The following SPECC1 variants were observed in gnomAD, a reference collection of about 807,000 sequenced individuals.
The protein encoded by SPECC1 is cytospin-B.
A neutral mutation model predicts 104.1 loss-of-function variants in SPECC1; 62 were observed. The observed-to-expected ratio is 0.60, with a 90% CI of 0.49 to 0.74. The LOEUF (loss-of-function observed/expected upper bound fraction) is 0.74. Among genes scored for constraint, SPECC1 ranks in the 30% least tolerant of loss-of-function variants. The probability of loss-of-function intolerance (pLI) is 0.00; values close to 1 mark genes in which losing one functional copy is unlikely to be tolerated. For synonymous variants in SPECC1, 513 were observed against 501.6 expected (o/e 1.02, Z -0.30); for missense variants, 1,306 against 1,310.5 (o/e 1.00, Z 0.05).
chr17:20,208,914 C>G (rs1222131546), intron 4 of SPECC1, among the ~76,000 whole-genome samples: 1 of 152,170 alleles, frequency 6.6e-6, no homozygotes, highest in African/African-American at 2.4e-5. Context: ...ATCCTCCCAC[C>G]TCAGCCTTTC....
intron 1 of SPECC1, among the ~76,000 whole-genome samples, chr17:20,041,630 T>G (rs7217862): frequency 0.074 from 10,102 of 136,456 alleles, 1,175 homozygotes; most frequent in African/African-American, 0.23. Context: ...CTTTTTTTTT[T>G]TTTTTTTTTT....
chr17:20,107,631 A>G (rs1038353401), intron 2 of SPECC1, among the ~76,000 whole-genome samples: 30 of 151,884 alleles, frequency 2.0e-4, no homozygotes, highest in African/African-American at 7.2e-4. Flanking sequence ...TAATTTTTGT[A>G]TTCTTAGCAG....
intron 3 of SPECC1, among the ~76,000 whole-genome samples, chr17:20,174,743 G>A (rs1025530254): frequency 1.3e-5 from 2 of 152,038 alleles, no homozygotes; most frequent in African/African-American, 4.8e-5. Context: ...TATTCTCGGG[G>A]AGGTGGCTCC....
chr17:20,133,946 T>C (rs895419692), intron 3 of SPECC1, among the ~76,000 whole-genome samples: 15 of 152,200 alleles, frequency 9.9e-5, no homozygotes, highest in Middle Eastern at 3.4e-3. Flanking sequence ...AGATGTGAAG[T>C]GTTTCTTGGG....
intron 1 of SPECC1, chr17:20,010,200 A>G (rs1597555921): frequency 7.5e-6 from 1 of 133,612 alleles, no homozygotes; most frequent in African/African-American, 2.9e-5. Context: ...ATTTTGCTGG[A>G]GCTCCATTTG....
In SPECC1 at chr17:20,292,561, G is replaced by A. The variant is rs141461908; in HGVS notation, c.2941-4400G>A. 8.5e-3 allele frequency among the ~76,000 whole-genome samples: 1,296 copies of A among 152,200 alleles called. 22 individuals are homozygous for A. The highest frequency in any genetic ancestry group is 0.029 in the African/African-American group (1,191 of 41,516). ...GCCAGGCTGGTCTCGAACTCCTGAC[G>A]TCAGGTGATCCGCTCACCTCAGCCT... On this transcript the variant is annotated intron_variant, in intron 12 of 14. Transcript: ENST00000395527.
chr17:20,268,621 G>A (rs993829883), intron 12 of SPECC1, among the ~76,000 whole-genome samples: 2 of 152,188 alleles, frequency 1.3e-5, no homozygotes, highest in African/African-American at 4.8e-5. Context: ...GGCACTGTGG[G>A]CTTCCACTCT....
chr17:20,079,365 T>TTATA (rs1316923426), intron 1 of SPECC1, among the ~76,000 whole-genome samples: 1 of 152,146 alleles, frequency 6.6e-6, no homozygotes, highest in Non-Finnish European at 1.5e-5. Context: ...AGTGATGAGA[T>TTATA]TATAGCTCAC....
chr17:20,063,688 C>T (rs1199484270), intron 1 of SPECC1, among the ~76,000 whole-genome samples: 2 of 152,210 alleles, frequency 1.3e-5, no homozygotes, highest in African/African-American at 4.8e-5. Context: ...TCACTCCCAA[C>T]TGCCATCACA....
chr17:20,133,624 G>C (rs957940765), intron 3 of SPECC1, among the ~76,000 whole-genome samples: 2 of 151,656 alleles, frequency 1.3e-5, no homozygotes, highest in African/African-American at 2.4e-5. Flanking sequence ...ACTACTCCTC[G>C]GCCACCATGG....
intron 3 of SPECC1, 118 bp from the exon 4 acceptor site, chr17:20,204,215 G>A: frequency 8.0e-7 from 1 of 1,251,302 alleles, no homozygotes; most frequent in East Asian, 2.3e-5. Flanking sequence ...AGAGGAGGAG[G>A]AAATGGATGA....
intron 1 of SPECC1, among the ~76,000 whole-genome samples, chr17:20,024,171 A>T (rs1285543259): frequency 6.6e-6 from 1 of 152,200 alleles, no homozygotes; most frequent in Non-Finnish European, 1.5e-5. Context: ...GTCTTGAGAG[A>T]TTCTGGAAAA....
At chr17:20,200,049 C>T (rs1490024214) in intron 3 of SPECC1, among the ~76,000 whole-genome samples, 2 of 152,164 alleles carry the variant, frequency 1.3e-5, no homozygotes, top group African/African-American at 4.8e-5. Flanking sequence ...CCTTGACCTC[C>T]CAAATGTAGT....
intron 3 of SPECC1, among the ~76,000 whole-genome samples, chr17:20,140,609 A>G (rs1304464731): frequency 6.6e-6 from 1 of 152,186 alleles, no homozygotes; most frequent in Non-Finnish European, 1.5e-5. Flanking sequence ...GACTCTTACT[A>G]TGAAGACAAC....
Position 20,194,342 on chromosome 17 carries a change from A to G in SPECC1, c.284-9991A>G, listed in dbSNP as rs537051893. On this transcript the variant is annotated intron_variant, in intron 3 of 14. Transcript: ENST00000395527. ...ACTTACCCCAAGTCAGAAACCTTGA[A>G]CAGGGACTGTTGTAGACAAGGTGTG... Among the ~76,000 whole-genome samples, 47 of 152,098 alleles carry G rather than the reference A, an allele frequency of 3.1e-4. No homozygotes were observed. In the South Asian group the frequency reaches 9.5e-3, roughly 31 times the overall value.
intron 2 of SPECC1, among the ~76,000 whole-genome samples, chr17:20,098,692 C>G (rs1306412197): frequency 6.6e-6 from 1 of 152,210 alleles, no homozygotes; most frequent in African/African-American, 2.4e-5. Flanking sequence ...TTGCTGCTCC[C>G]TCTGCCCGGA....
At chr17:20,157,391 T>C (rs1456283667) in intron 3 of SPECC1, among the ~76,000 whole-genome samples, 2 of 152,070 alleles carry the variant, frequency 1.3e-5, no homozygotes, top group Non-Finnish European at 2.9e-5. Context: ...GAGGTGACTT[T>C]AGTTACACAG....
chr17:20,040,999 T>C (rs999307542), intron 1 of SPECC1, among the ~76,000 whole-genome samples: 3 of 151,976 alleles, frequency 2.0e-5, no homozygotes, highest in East Asian at 3.9e-4. Flanking sequence ...CCCTCACTCC[T>C]TCCCTCCCTC....
chr17:20,204,664 T>A lies in SPECC1; in HGVS notation c.615T>A (p.Thr205=). 6.2e-7 allele frequency: 1 copy of A among 1,613,970 alleles called. No individual in the cohort carries two copies. Among genetic ancestry groups the A allele is most frequent in the East Asian group, 2.2e-5 (1 of 44,888 alleles). The part of the protein sequence containing the change: ...KEKRTLNAEG[T]DALGPNVDGT... Reference sequence around the variant, plus strand: ...AAAGGACTCTGAACGCTGAGGGGACTGATGCTTTGGGCCCAAATGTCGATG... The same window carrying A: ...AAAGGACTCTGAACGCTGAGGGGACAGATGCTTTGGGCCCAAATGTCGATG... Residue 205 remains threonine (T), a synonymous_variant, in exon 4 of 15, where the codon ACT becomes ACA. Transcript: ENST00000395527.
Sources: gnomAD v4.1 joint callset for allele counts (sites outside exome capture counted in the v4.1 genomes callset) on GRCh38, gnomAD v4.1.1 for gene constraint, MANE v1.5 for transcripts, NCBI Gene and HGNC (gene_info 2026-07-23, HGNC 2026-07-21) for gene names.